Variants in MRTFB observed in about 807,000 individuals in gnomAD.
MRTFB encodes the protein myocardin-related transcription factor B.
In MRTFB, 29 loss-of-function variants were observed where a neutral mutation model predicts 104.2. The ratio of observed to expected loss-of-function variants is 0.28; its 90% CI spans 0.21 to 0.38. MRTFB has a LOEUF of 0.38. Ranked by LOEUF, MRTFB falls within the 10% of genes least tolerant of loss-of-function variation. The pLI is 1.00. For missense variants in MRTFB, 1,270 were observed against 1,341.6 expected (o/e 0.95, Z 0.83); for synonymous variants, 535 against 519.5 (o/e 1.03, Z -0.41).
chr16:14,253,383 A>C (rs1356763246), intron 15 of MRTFB, among the ~76,000 whole-genome samples: 1 of 152,132 alleles, frequency 6.6e-6, no homozygotes, highest in African/African-American at 2.4e-5. Flanking sequence ...TTTATTATCC[A>C]CGGCAAACAG....
At chr16:14,098,171 T>C (rs1180771136) in intron 2 of MRTFB, among the ~76,000 whole-genome samples, 1 of 152,250 alleles carries the variant, frequency 6.6e-6, no homozygotes, top group South Asian at 2.1e-4. Context: ...CCAAACTGTT[T>C]CCAAGTTGTC....
chr16:14,104,275 T>A (rs2035856848), intron 2 of MRTFB, among the ~76,000 whole-genome samples: 1 of 152,220 alleles, frequency 6.6e-6, no homozygotes, highest in African/African-American at 2.4e-5. Flanking sequence ...GAGCATAGAA[T>A]GAGCACTTTC....
At chr16:14,236,748 G>A (rs1004191489) in intron 9 of MRTFB, among the ~76,000 whole-genome samples, 6 of 152,198 alleles carry the variant, frequency 3.9e-5, no homozygotes, top group African/African-American at 1.2e-4. Flanking sequence ...GTAGAGCCTT[G>A]TAAGAAGTTA....
At chr16:14,047,174 G>A in the MRTFB span, among the ~76,000 whole-genome samples, 2 of 152,224 alleles carry the variant, frequency 1.3e-5, no homozygotes, top group South Asian at 4.1e-4. Flanking sequence ...GCTTTTGGCT[G>A]CAAGTATCAG....
intron 3 of MRTFB, among the ~76,000 whole-genome samples, chr16:14,201,166 A>G (rs1288317193): frequency 6.6e-6 from 1 of 152,228 alleles, no homozygotes; most frequent in Non-Finnish European, 1.5e-5. Context: ...GGGGCGAGAA[A>G]GTATATGTTG....
At chr16:14,045,056 C>T in the MRTFB span, among the ~76,000 whole-genome samples, 5 of 152,116 alleles carry the variant, frequency 3.3e-5, no homozygotes, top group Admixed American at 6.6e-5. Context: ...TCTCATTTCT[C>T]GTCACCATGT....
At chr16:14,064,014 A>G in the MRTFB span, among the ~76,000 whole-genome samples, 1 of 152,226 alleles carries the variant, frequency 6.6e-6, no homozygotes, top group Admixed American at 6.5e-5. Flanking sequence ...GCTGGGTCCA[A>G]TGGTAGTTCT....
intron 3 of MRTFB, among the ~76,000 whole-genome samples, chr16:14,181,627 A>T (rs2039774192): frequency 6.6e-6 from 1 of 152,196 alleles, no homozygotes; most frequent in East Asian, 1.9e-4. Flanking sequence ...TTTGTTACTA[A>T]TTATTTTATT....
At chr16:14,216,852 CA>C (rs1296408291) in intron 6 of MRTFB, among the ~76,000 whole-genome samples, 2 of 152,190 alleles carry the variant, frequency 1.3e-5, no homozygotes, top group Non-Finnish European at 2.9e-5. Flanking sequence ...CTGCCATAAA[CA>C]AACAATAGCA....
intron 2 of MRTFB, among the ~76,000 whole-genome samples, chr16:14,103,042 TGA>T (rs1005161586): frequency 2.6e-5 from 4 of 152,210 alleles, no homozygotes; most frequent in African/African-American, 9.6e-5. Flanking sequence ...TCTTATTCTT[TGA>T]GACTCAGCTC....
At chr16:14,174,511 C>T (rs896261957) in intron 3 of MRTFB, among the ~76,000 whole-genome samples, 5 of 151,954 alleles carry the variant, frequency 3.3e-5, no homozygotes, top group East Asian at 1.9e-4. Context: ...GGTGAAACCC[C>T]GCCTCTACTA....
At chr16:14,120,224 A>G (rs1455508466) in intron 2 of MRTFB, among the ~76,000 whole-genome samples, 1 of 152,168 alleles carries the variant, frequency 6.6e-6, no homozygotes, top group East Asian at 1.9e-4. Context: ...CATAGTTCAC[A>G]TATGTTCTCC....
intron 2 of MRTFB, among the ~76,000 whole-genome samples, chr16:14,138,064 ATCT>A (rs2037811480): frequency 1.3e-5 from 2 of 152,060 alleles, no homozygotes; most frequent in South Asian, 4.1e-4. Context: ...GTTGCATAAG[ATCT>A]TCTCAGTCTA....
chr16:14,081,098 A>G (rs767188661), intron 2 of MRTFB, among the ~76,000 whole-genome samples: 2 of 152,172 alleles, frequency 1.3e-5, no homozygotes, highest in African/African-American at 2.4e-5. Context: ...CATAATGGCA[A>G]TAATTTACAT....
chr16:14,016,177 C>T, the MRTFB span, among the ~76,000 whole-genome samples: 1 of 152,030 alleles, frequency 6.6e-6, no homozygotes, highest in Non-Finnish European at 1.5e-5. Context: ...AAATTTAGAT[C>T]AAATGAAGGA....
the MRTFB span, among the ~76,000 whole-genome samples, chr16:14,037,082 T>G: frequency 6.6e-6 from 1 of 152,188 alleles, no homozygotes; most frequent in South Asian, 2.1e-4. Flanking sequence ...AAAACCCATC[T>G]GTAGACCAGA....
chr16:14,166,450 G>A (rs1252566809), intron 3 of MRTFB, among the ~76,000 whole-genome samples: 1 of 152,130 alleles, frequency 6.6e-6, no homozygotes, highest in Non-Finnish European at 1.5e-5. Flanking sequence ...CCTCTAAACA[G>A]TTCATAGTGA....
chr16:14,092,035 G>A (rs2035105917), intron 2 of MRTFB, among the ~76,000 whole-genome samples: 1 of 145,330 alleles, frequency 6.9e-6, no homozygotes, highest in African/African-American at 2.5e-5. Flanking sequence ...TGCCTCCCAA[G>A]TTAGTGGCTT....
the MRTFB span, among the ~76,000 whole-genome samples, chr16:14,064,271 T>A: frequency 2.6e-5 from 4 of 152,228 alleles, no homozygotes; most frequent in Admixed American, 2.0e-4. Context: ...TGTATACATG[T>A]CGTCTTTTGA....
Sources: gnomAD v4.1 joint callset for allele counts (sites outside exome capture counted in the v4.1 genomes callset) on GRCh38, gnomAD v4.1.1 for gene constraint, MANE v1.5 for transcripts, NCBI Gene and HGNC (gene_info 2026-07-23, HGNC 2026-07-21) for gene names.